IQGAP2: variants seen among roughly 807,000 people sequenced by gnomAD.
IQGAP2 encodes the protein IQ motif containing GTPase activating protein 2.
Under a neutral mutation model 201.3 loss-of-function variants are expected in IQGAP2, and 173 were observed. The ratio of observed to expected loss-of-function variants is 0.86; its 90% CI spans 0.76 to 0.98. The LOEUF (loss-of-function observed/expected upper bound fraction) is 0.98, where lower values mean the gene tolerates loss of function less well. Among genes scored for constraint, IQGAP2 ranks in the 50% least tolerant of loss-of-function variants. The pLI is 0.00. For synonymous variants in IQGAP2, 675 were observed against 673.9 expected (o/e 1.00, Z -0.03); for missense variants, 1,687 against 1,864.8 (o/e 0.90, Z 1.76).
chr5:76,567,612 G>A (rs892763810), intron 3 of IQGAP2, among the ~76,000 whole-genome samples: 2 of 152,120 alleles, frequency 1.3e-5, no homozygotes, highest in African/African-American at 4.8e-5. Flanking sequence ...TGGACTTGAA[G>A]TCCAAATATT....
chr5:76,429,470 G>A (rs1001870337), intron 1 of IQGAP2, among the ~76,000 whole-genome samples: 1 of 151,114 alleles, frequency 6.6e-6, no homozygotes, highest in African/African-American at 2.4e-5. Flanking sequence ...TACTTGGGGG[G>A]CTGAGGCAGG....
chr5:76,692,830 T>A (rs1263724156), intron 30 of IQGAP2, among the ~76,000 whole-genome samples: 1 of 152,226 alleles, frequency 6.6e-6, no homozygotes, highest in Non-Finnish European at 1.5e-5. Context: ...CAGCCCACAC[T>A]GAACGTTCGC....
chr5:76,620,771 A>G (rs1003432917), intron 13 of IQGAP2, among the ~76,000 whole-genome samples: 1 of 152,188 alleles, frequency 6.6e-6, no homozygotes. Context: ...ACAAAGGAGG[A>G]AAAATCGGAA....
chr5:76,617,437 CAA>C, intron 13 of IQGAP2: 1 of 645,494 alleles, frequency 1.5e-6, no homozygotes, highest in Middle Eastern at 4.3e-4. Flanking sequence ...AACAAACAAA[CAA>C]ACTACTAATG....
intron 16 of IQGAP2, among the ~76,000 whole-genome samples, chr5:76,640,483 TA>T (rs1250786342): frequency 6.6e-5 from 10 of 152,316 alleles, no homozygotes; most frequent in Admixed American, 2.0e-4. Flanking sequence ...CACAGCTCGT[TA>T]CAGGGGTCTG....
intron 32 of IQGAP2, among the ~76,000 whole-genome samples, chr5:76,695,895 C>A (rs1320280401): frequency 7.9e-6 from 1 of 126,922 alleles, no homozygotes; most frequent in Non-Finnish European, 1.5e-5. Flanking sequence ...GGCTGGAGTG[C>A]AGTGGCACAA....
chr5:76,586,446 G>T (rs562087004), intron 5 of IQGAP2, among the ~76,000 whole-genome samples: 8 of 151,968 alleles, frequency 5.3e-5, no homozygotes, highest in South Asian at 4.1e-4. Flanking sequence ...TTTAAAATTC[G>T]AACATTCATT....
At position 76,641,048 on chromosome 5, in the gene IQGAP2, T is replaced by C. The variant is rs148549280; in HGVS notation, c.2039T>C (p.Phe680Ser). The change falls in exon 17 of 36, where the codon TTT (phenylalanine) becomes TCT (serine). Residue 680 changes from phenylalanine to serine, a missense_variant. Coordinates refer to ENST00000274364, the MANE Select transcript of IQGAP2 (RefSeq NM_006633.5). ...TCAGGACCCATCCTTAGGGAAGAGT[T>C]TGAAGCTAGAAAATCATTTTTGCAT... ...TSSGPILREE[F>S]EARKSFLHEQ... The C allele has an allele frequency of 4.7e-5, 76 of 1,609,476 alleles. No individual in the cohort carries two copies. In the African/African-American group the frequency reaches 9.9e-4, roughly 21 times the overall value.
chr5:76,439,560 C>G (rs1303188239), intron 1 of IQGAP2, among the ~76,000 whole-genome samples: 2 of 152,016 alleles, frequency 1.3e-5, no homozygotes, highest in East Asian at 3.9e-4. Flanking sequence ...GTAATATCTT[C>G]TTGTTGGATT....
intron 11 of IQGAP2, among the ~76,000 whole-genome samples, chr5:76,604,313 CT>C (rs142119457): frequency 2.3e-4 from 35 of 150,738 alleles, no homozygotes; most frequent in East Asian, 9.7e-4. Context: ...TGAACTCATC[CT>C]TTTTTTTTAT....
At chr5:76,628,247 G>A (rs537957803) in intron 14 of IQGAP2, among the ~76,000 whole-genome samples, 2 of 152,332 alleles carry the variant, frequency 1.3e-5, no homozygotes, top group African/African-American at 4.8e-5. Context: ...GTGGACACTT[G>A]CTCTGAACTG....
chr5:76,487,627 CCAGGCAGATCTGCATG>C (rs1756246482), intron 2 of IQGAP2, among the ~76,000 whole-genome samples: 1 of 152,212 alleles, frequency 6.6e-6, no homozygotes, highest in South Asian at 2.1e-4. Flanking sequence ...CACCACCCCT[CCAGGCAGATCTGCATG>C]CAGTGGTGCT....
chr5:76,413,136 T>A (rs1475056374), intron 1 of IQGAP2, among the ~76,000 whole-genome samples: 2 of 150,902 alleles, frequency 1.3e-5, no homozygotes, highest in Admixed American at 1.3e-4. Flanking sequence ...AGCCCTATTT[T>A]CTTTTTTCTT....
chr5:76,525,236 T>C (rs925011845), intron 2 of IQGAP2, among the ~76,000 whole-genome samples: 1 of 152,190 alleles, frequency 6.6e-6, no homozygotes, highest in Admixed American at 6.5e-5. Flanking sequence ...TAACCAGTTG[T>C]GCCATTGTTT....
intron 1 of IQGAP2, among the ~76,000 whole-genome samples, chr5:76,407,579 C>T (rs1750866590): frequency 6.6e-6 from 1 of 152,120 alleles, no homozygotes; most frequent in African/African-American, 2.4e-5. Flanking sequence ...CAAGCTGCTC[C>T]CTCATATGCT....
intron 2 of IQGAP2, among the ~76,000 whole-genome samples, chr5:76,510,239 A>T (rs1170902703): frequency 1.3e-5 from 2 of 152,050 alleles, no homozygotes; most frequent in East Asian, 1.9e-4. Context: ...ACCTCAGATG[A>T]TCCACCCGCC....
intron 2 of IQGAP2, among the ~76,000 whole-genome samples, chr5:76,513,823 A>G (rs1758136158): frequency 6.6e-6 from 1 of 151,906 alleles, no homozygotes; most frequent in Non-Finnish European, 1.5e-5. Context: ...CAACACCAAC[A>G]GTGAGCCATC....
intron 23 of IQGAP2, among the ~76,000 whole-genome samples, chr5:76,670,924 G>C (rs142500794): frequency 2.0e-5 from 3 of 152,340 alleles, no homozygotes; most frequent in African/African-American, 7.2e-5. Flanking sequence ...TGAAATTGAG[G>C]CTGTGACTTT....
chr5:76,420,468 C>G (rs1421644655), intron 1 of IQGAP2, among the ~76,000 whole-genome samples: 1 of 151,576 alleles, frequency 6.6e-6, no homozygotes, highest in South Asian at 2.1e-4. Flanking sequence ...CTCCGCCTCC[C>G]GGGTTCAAGT....
Sources: gnomAD v4.1 joint callset for allele counts (sites outside exome capture counted in the v4.1 genomes callset) on GRCh38, gnomAD v4.1.1 for gene constraint, MANE v1.5 for transcripts, NCBI Gene and HGNC (gene_info 2026-07-23, HGNC 2026-07-21) for gene names.